Variants in ECE1 observed in about 807,000 individuals in gnomAD.
ECE1 encodes the protein endothelin converting enzyme 1.
A neutral mutation model predicts 98.6 loss-of-function variants in ECE1; 35 were observed. The observed-to-expected ratio is 0.35, with a 90% CI of 0.27 to 0.47. The LOEUF (loss-of-function observed/expected upper bound fraction) is 0.47, where lower values mean the gene tolerates loss of function less well. ECE1 is among the 20% of genes least tolerant of loss of function. The pLI is 1.00. For missense variants in ECE1, 814 were observed against 1,025.3 expected (o/e 0.79, Z 2.81); for synonymous variants, 394 against 407.1 (o/e 0.97, Z 0.39).
At chr1:21,323,328 T>C (rs1471249666) in intron 1 of ECE1, among the ~76,000 whole-genome samples, 4 of 152,202 alleles carry the variant, frequency 2.6e-5, no homozygotes, top group South Asian at 2.1e-4. Flanking sequence ...ACAATAGCCC[T>C]GACTGCAGGC....
intron 1 of ECE1, among the ~76,000 whole-genome samples, chr1:21,343,634 T>C (rs147735302): frequency 1.3e-5 from 2 of 152,322 alleles, no homozygotes; most frequent in African/African-American, 4.8e-5. Flanking sequence ...ATGAGGAAAC[T>C]GAAACTCAAG....
chr1:21,242,774 A>G (rs953869217), intron 10 of ECE1, among the ~76,000 whole-genome samples: 1 of 151,990 alleles, frequency 6.6e-6, no homozygotes, highest in Admixed American at 6.6e-5. Context: ...ATTACTGACT[A>G]ATTAATTAAT....
At chr1:21,270,146 C>T (rs113264101) in intron 4 of ECE1, among the ~76,000 whole-genome samples, 2 of 152,350 alleles carry the variant, frequency 1.3e-5, no homozygotes, top group African/African-American at 4.8e-5. Context: ...GCTAACTGCT[C>T]CCCAGAGAGT....
chr1:21,298,522 C>T (rs369861472), intron 1 of ECE1: 9 of 339,916 alleles, frequency 2.6e-5, no homozygotes, highest in South Asian at 1.4e-4. Flanking sequence ...GATCCTTACA[C>T]GTCTTAAAAA....
intron 2 of ECE1, among the ~76,000 whole-genome samples, chr1:21,286,107 A>C (rs542889618): frequency 1.3e-5 from 2 of 152,344 alleles, no homozygotes; most frequent in South Asian, 2.1e-4. Flanking sequence ...ACAACAACAA[A>C]AAAAGATTTT....
At position 21,307,669 on chromosome 1, in the gene ECE1, A is replaced by G. The variant is rs185399200; in HGVS notation, c.4-17513T>C. On this transcript the variant is annotated intron_variant, in intron 1 of 18. Coordinates refer to the ECE1 transcript ENST00000415912. The surrounding 1 kb of genome is among the most constrained non-coding windows in gnomAD (Gnocchi z 4.2). ...GGGCTTCTTTGTACCTCTGAGGTACAAAGTGGAAGCTCTGCCTGGCTGGCA... is the reference window on the plus strand; with the variant it reads ...GGGCTTCTTTGTACCTCTGAGGTACGAAGTGGAAGCTCTGCCTGGCTGGCA... Among the ~76,000 whole-genome samples, 3 of 152,266 alleles carry G rather than the reference A, an allele frequency of 2.0e-5. No homozygotes were observed. Among genetic ancestry groups the G allele is most frequent in the Admixed American group, 2.0e-4 (3 of 15,300 alleles).
intron 8 of ECE1, among the ~76,000 whole-genome samples, chr1:21,254,062 T>C (rs1205284520): frequency 9.8e-6 from 1 of 102,408 alleles, no homozygotes; most frequent in Non-Finnish European, 1.8e-5. Flanking sequence ...GAGCAAGACT[T>C]TGTCTCAAAA....
chr1:21,303,806 T>C (rs1638537256), intron 1 of ECE1, among the ~76,000 whole-genome samples: 1 of 151,972 alleles, frequency 6.6e-6, no homozygotes. Flanking sequence ...TGCGCCATCA[T>C]ACCTGGCTAA....
intron 9 of ECE1, 102 bp from the exon 10 acceptor site, chr1:21,245,205 ACC>A: frequency 1.0e-6 from 1 of 982,092 alleles, no homozygotes; most frequent in South Asian, 1.4e-5. Flanking sequence ...TTGGCCTGTG[ACC>A]CCAGGCCCCT....
intron 4 of ECE1, among the ~76,000 whole-genome samples, chr1:21,262,882 G>C (rs1272844772): frequency 1.3e-5 from 2 of 152,192 alleles, no homozygotes; most frequent in African/African-American, 2.4e-5. Context: ...AGTTCCTTTT[G>C]CCTGGCAACC....
chr1:21,255,151 G>A (rs185531776), intron 8 of ECE1, among the ~76,000 whole-genome samples: 2 of 152,270 alleles, frequency 1.3e-5, no homozygotes, highest in African/African-American at 4.8e-5. Context: ...TAGAAGGAAC[G>A]GACAACAGGT....
At chr1:21,293,714 G>T (rs892920697), upstream of ECE1, 1 of 152,072 alleles carries the variant, frequency 6.6e-6, no homozygotes, top group African/African-American at 2.4e-5. Context: ...AAGGCTTGGC[G>T]GGCTCTGCTT....
chr1:21,256,153 C>A lies in ECE1; in HGVS notation c.829-15G>T, dbSNP rs955250253. ...CCGGTCAGCACCTGCAGGGCCCATA[C>A]CCCAAACTGTCAGTGGCTGCCCCCC... On this transcript the variant is annotated splice_polypyrimidine_tract_variant and intron_variant, in intron 7 of 18. Coordinates refer to ENST00000374893, the MANE Select transcript of ECE1 (RefSeq NM_001397.3). 58 of 1,592,424 alleles carry A rather than the reference C, an allele frequency of 3.6e-5. No individual in the cohort carries two copies. Among genetic ancestry groups the A allele is most frequent in the Non-Finnish European group, 4.8e-5 (56 of 1,164,436 alleles).
At position 21,301,032 on chromosome 1, in the gene ECE1, G is replaced by A. The variant is rs554659898; in HGVS notation, c.4-10876C>T. Among the ~76,000 whole-genome samples, 3 of 138,276 alleles carry A rather than the reference G, an allele frequency of 2.2e-5. No individual in the cohort carries two copies. The South Asian group carries it at 6.2e-4, about 29-fold the overall frequency. 90.7% of individuals were successfully genotyped at this position (138,276 alleles called of 152,430 possible). A position where few individuals can be genotyped will look rare whatever the true frequency, so the allele number is the denominator to read the frequency against. ...GTGTAGACAAACCTGAAGAGGGTGT[G>A]TCTCCTCCTGACCCAGTGTAGACAA... On this transcript the variant is annotated intron_variant, in intron 1 of 18. Transcript: ENST00000415912.
intron 10 of ECE1, among the ~76,000 whole-genome samples, chr1:21,240,787 T>C (rs2098195090): frequency 6.6e-6 from 1 of 152,208 alleles, no homozygotes; most frequent in South Asian, 2.1e-4. Flanking sequence ...CGAGGGGGAC[T>C]CTAATTTGAA....
At chr1:21,331,169 G>A (rs956441924) in intron 1 of ECE1, among the ~76,000 whole-genome samples, 1 of 152,148 alleles carries the variant, frequency 6.6e-6, no homozygotes, top group Non-Finnish European at 1.5e-5. Flanking sequence ...TTGGGAGGCC[G>A]AGGCGGGTGG....
intron 8 of ECE1, among the ~76,000 whole-genome samples, chr1:21,248,287 C>T (rs1470712398): frequency 1.3e-5 from 2 of 151,894 alleles, no homozygotes; most frequent in Non-Finnish European, 2.9e-5. Context: ...TCTCCTGTTT[C>T]AGCTTCCCGA....
intron 17 of ECE1, among the ~76,000 whole-genome samples, chr1:21,224,546 C>T (rs1348279971): frequency 6.6e-6 from 1 of 152,124 alleles, no homozygotes; most frequent in Non-Finnish European, 1.5e-5. Flanking sequence ...GCTGGGAATA[C>T]TCCAAGCCTG....
intron 1 of ECE1, among the ~76,000 whole-genome samples, chr1:21,337,775 G>A (rs906887249): frequency 3.9e-5 from 6 of 152,190 alleles, no homozygotes; most frequent in Non-Finnish European, 5.9e-5. Flanking sequence ...ATAAAGCTTA[G>A]AGAGGTGACA....
Sources: allele counts gnomAD v4.1 joint callset (sites outside exome capture counted in the v4.1 genomes callset), GRCh38; gene constraint gnomAD v4.1.1; non-coding constraint Gnocchi (gnomAD v3.1); transcripts MANE v1.5; gene names NCBI Gene and HGNC (gene_info 2026-07-23, HGNC 2026-07-21).